Variants in PARD3B observed in about 807,000 individuals in gnomAD.
PARD3B encodes par-3 family cell polarity regulator beta, also known as partitioning defective 3 homolog B.
A neutral mutation model predicts 130.2 loss-of-function variants in PARD3B; 103 were observed. The ratio of observed to expected loss-of-function variants is 0.79; its 90% CI spans 0.67 to 0.93. PARD3B has a LOEUF of 0.93. PARD3B is among the 40% of genes least tolerant of loss of function. The pLI is 0.00. For missense variants in PARD3B, 1,609 were observed against 1,499.2 expected (o/e 1.07, Z -1.21); for synonymous variants, 583 against 553.2 (o/e 1.05, Z -0.76).
chr2:204,980,983 TA>T (rs1409544214), intron 3 of PARD3B, among the ~76,000 whole-genome samples: 13 of 152,208 alleles, frequency 8.5e-5, no homozygotes, highest in Admixed American at 7.2e-4. Flanking sequence ...GATGTTAACA[TA>T]GGGGAAACTC....
At chr2:204,892,059 T>C (rs548456462) in intron 2 of PARD3B, among the ~76,000 whole-genome samples, 1 of 152,268 alleles carries the variant, frequency 6.6e-6, no homozygotes, top group Admixed American at 6.5e-5. Context: ...CAATATAACA[T>C]TATAACACAG....
intron 2 of PARD3B, among the ~76,000 whole-genome samples, chr2:204,922,765 T>C (rs2047732640): frequency 6.6e-6 from 1 of 152,112 alleles, no homozygotes; most frequent in Admixed American, 6.6e-5. Context: ...GGAAGTTGAT[T>C]CTTTGGGAAC....
intron 19 of PARD3B, among the ~76,000 whole-genome samples, chr2:205,438,208 A>G (rs1313726040): frequency 6.6e-6 from 1 of 152,150 alleles, no homozygotes; most frequent in African/African-American, 2.4e-5. Context: ...ATAAGATAAA[A>G]TATTGCTTGG....
rs1559096200 is a variant in PARD3B at position 205,440,567 on chromosome 2, T to A, written c.2939T>A (p.Phe980Tyr). 1 of 1,613,986 alleles carries A rather than the reference T, an allele frequency of 6.2e-7. No homozygotes were observed. Among genetic ancestry groups the A allele is most frequent in the Admixed American group, 1.7e-5 (1 of 60,000 alleles). The change falls in exon 20 of 23, where the codon TTT (phenylalanine) becomes TAT (tyrosine). Residue 980 changes from phenylalanine (F) to tyrosine (Y), a missense_variant. By Grantham distance (22) the Phe-to-Tyr change is conservative. Coordinates refer to ENST00000406610, the MANE Select transcript of PARD3B (RefSeq NM_001302769.2). The surrounding 1 kb of genome is among the most constrained non-coding windows in gnomAD (Gnocchi z 4.2). Reference protein sequence around the residue: ...RSPSPPRAGPFGYPRDGHPLS... With the variant: ...RSPSPPRAGPYGYPRDGHPLS... ...CCATCTCCCCCTCGAGCTGGACCAT[T>A]TGGTTACCCTCGGGATGGCCATCCA...
chr2:204,994,018 T>C (rs1693938072), intron 3 of PARD3B, among the ~76,000 whole-genome samples: 1 of 151,344 alleles, frequency 6.6e-6, no homozygotes, highest in African/African-American at 2.4e-5. Context: ...TGTTGATCCT[T>C]TCAAAAAACC....
chr2:205,084,906 A>G (rs991960817), intron 4 of PARD3B, among the ~76,000 whole-genome samples: 2 of 151,930 alleles, frequency 1.3e-5, no homozygotes, highest in Non-Finnish European at 2.9e-5. Context: ...CTTTCCTAAT[A>G]TGTTTCATGT....
At chr2:205,377,388 G>A (rs2045102585) in intron 18 of PARD3B, among the ~76,000 whole-genome samples, 1 of 152,092 alleles carries the variant, frequency 6.6e-6, no homozygotes, top group Non-Finnish European at 1.5e-5. Context: ...TTTGAAATAA[G>A]CTCCTCATGA....
At position 205,187,942 on chromosome 2, in the gene PARD3B, A is replaced by T. The variant is rs2036189842; in HGVS notation, c.2024+2079A>T. On this transcript the variant is annotated intron_variant, in intron 14 of 22. Transcript: ENST00000406610. This position sits in a 1 kb window ranked among gnomAD's most constrained non-coding sequence, Gnocchi z 4.9. ...CTCTGCAGTATTTGGTTATTAAGTC[A>T]TTTATTCACTTACTCATCCATTCAA... is the stretch of plus-strand genomic sequence containing the variant. 6.6e-6 allele frequency among the ~76,000 whole-genome samples: 1 copy of T among 152,202 alleles called. No homozygotes were observed. The highest frequency in any genetic ancestry group is 6.5e-5 in the Admixed American group (1 of 15,282).
intron 20 of PARD3B, among the ~76,000 whole-genome samples, chr2:205,472,293 G>GCA (rs1005633820): frequency 5.3e-5 from 8 of 151,766 alleles, no homozygotes; most frequent in Admixed American, 3.9e-4. Context: ...ACACACATGT[G>GCA]CACACACACA....
chr2:205,583,901 C>G (rs1483691622), intron 22 of PARD3B, among the ~76,000 whole-genome samples: 1 of 152,196 alleles, frequency 6.6e-6, no homozygotes, highest in Non-Finnish European at 1.5e-5. Context: ...CACTTCCAAA[C>G]TGCCCCTCAT....
intron 2 of PARD3B, among the ~76,000 whole-genome samples, chr2:204,903,358 T>C (rs373765614): frequency 3.9e-5 from 6 of 152,334 alleles, no homozygotes; most frequent in South Asian, 2.1e-4. Context: ...CATTGTGTTA[T>C]GTATTTGAAT....
At chr2:205,610,810 C>T (rs1411083415) in intron 22 of PARD3B, among the ~76,000 whole-genome samples, 1 of 152,180 alleles carries the variant, frequency 6.6e-6, no homozygotes, top group African/African-American at 2.4e-5. Flanking sequence ...AAATCAGTCT[C>T]ACCTCAACCA....
intron 15 of PARD3B, among the ~76,000 whole-genome samples, chr2:205,216,270 G>A (rs908673246): frequency 1.3e-5 from 2 of 152,060 alleles, no homozygotes; most frequent in Admixed American, 6.6e-5. Context: ...CTAAACCATC[G>A]AGGTTTGTGG....
intron 21 of PARD3B, among the ~76,000 whole-genome samples, chr2:205,549,169 CTCATTTGT>C (rs1559204706): frequency 6.6e-6 from 1 of 152,118 alleles, no homozygotes; most frequent in South Asian, 2.1e-4. Flanking sequence ...ACCAGGAACT[CTCATTTGT>C]TGAATTCTGG....
At chr2:204,764,715 C>CATGTGTGTGTGTGTGTGTGTGTGTGTGT (rs60298501) in intron 2 of PARD3B, among the ~76,000 whole-genome samples, 14 of 145,752 alleles carry the variant, frequency 9.6e-5, no homozygotes, top group African/African-American at 3.5e-4. Context: ...GGCATGCATG[C>CATGTGTGTGTGTGTGTGTGTGTGTGTGT]GTGTGTGTGT....
intron 18 of PARD3B, among the ~76,000 whole-genome samples, chr2:205,310,147 C>T (rs6758445): frequency 0.56 from 82,873 of 146,870 alleles, 26,830 homozygotes; most frequent in South Asian, 0.76. Flanking sequence ...TGCAGTGGCG[C>T]GATCTTGGCT....
intron 1 of PARD3B, among the ~76,000 whole-genome samples, chr2:204,617,257 A>T (rs2034144253): frequency 6.6e-6 from 1 of 152,184 alleles, no homozygotes; most frequent in African/African-American, 2.4e-5. Flanking sequence ...TCCTGATGAT[A>T]CTTTAATCTC....
intron 20 of PARD3B, among the ~76,000 whole-genome samples, chr2:205,499,595 A>T (rs1166282716): frequency 6.6e-6 from 1 of 152,186 alleles, no homozygotes; most frequent in Non-Finnish European, 1.5e-5. Context: ...GTGTGTGATT[A>T]TAAGAAAAAA....
chr2:204,809,066 A>C lies in PARD3B; in HGVS notation c.222+122784A>C, dbSNP rs539335754. 1.3e-4 allele frequency among the ~76,000 whole-genome samples: 19 copies of C among 151,882 alleles called. No individual in the cohort carries two copies. In the East Asian group the frequency reaches 2.5e-3, roughly 20 times the overall value. The stretch of plus-strand genomic sequence containing the variant: ...TTTTTTTCATGTGTGTGTTGGCCTC[A>C]TGTGTGTTTTCTTTTGAACAGTGCT... On this transcript the variant is annotated intron_variant, in intron 2 of 22. Coordinates refer to ENST00000406610, the MANE Select transcript of PARD3B (RefSeq NM_001302769.2).
Sources: gnomAD v4.1 joint callset for allele counts (sites outside exome capture counted in the v4.1 genomes callset) on GRCh38, gnomAD v4.1.1 for gene constraint, Gnocchi (gnomAD v3.1) non-coding constraint, MANE v1.5 for transcripts, NCBI Gene and HGNC (gene_info 2026-07-23, HGNC 2026-07-21) for gene names.